Variants in BNC2 observed in about 807,000 individuals in gnomAD.
BNC2 encodes the protein basonuclin zinc finger protein 2.
Under a neutral mutation model 76.3 loss-of-function variants are expected in BNC2, and 20 were observed. The observed-to-expected ratio is 0.26, with a 90% CI of 0.18 to 0.38. The LOEUF (loss-of-function observed/expected upper bound fraction) is 0.38, where lower values mean the gene tolerates loss of function less well. Among genes scored for constraint, BNC2 ranks in the 10% least tolerant of loss-of-function variants. The pLI is 1.00. For synonymous variants in BNC2, 582 were observed against 514.8 expected, an observed-to-expected ratio of 1.13 and a Z score of -1.77; for missense variants, 1,382 against 1,399.8, an observed-to-expected ratio of 0.99 and a Z score of 0.20.
chr9:16,468,299 G>A (rs1019862994), intron 5 of BNC2, among the ~76,000 whole-genome samples: 1 of 151,906 alleles, frequency 6.6e-6, no homozygotes, highest in Non-Finnish European at 1.5e-5. Context: ...GACTCCTTTC[G>A]CTACTAGAGT....
chr9:16,796,823 G>T (rs1041880733), intron 1 of BNC2, among the ~76,000 whole-genome samples: 4 of 152,110 alleles, frequency 2.6e-5, no homozygotes, highest in African/African-American at 9.7e-5. Flanking sequence ...TTCAAATTAG[G>T]ATTGCTAACT....
intron 3 of BNC2, chr9:16,626,263 G>A (rs1820990235): frequency 6.6e-6 from 1 of 152,184 alleles, no homozygotes. Context: ...TCCTGAAGCT[G>A]AAGGGAAAAC....
chr9:16,854,179 G>A (rs1819197932), intron 1 of BNC2, among the ~76,000 whole-genome samples: 1 of 152,062 alleles, frequency 6.6e-6, no homozygotes, highest in African/African-American at 2.4e-5. Flanking sequence ...TGTTTTAAAA[G>A]GAAGGAAAGA....
intron 1 of BNC2, among the ~76,000 whole-genome samples, chr9:16,866,780 T>G (rs1021182636): frequency 6.6e-6 from 1 of 152,004 alleles, no homozygotes; most frequent in African/African-American, 2.4e-5. Flanking sequence ...TTTTAAACCT[T>G]AAGTATATCT....
rs373493671 is a variant in BNC2, at chr9:16,791,063, A to AT, written c.4-52579dup. Among the ~76,000 whole-genome samples the AT allele has an allele frequency of 1.8e-3, 265 of 147,382 alleles. 4 individuals carry two copies. The South Asian group carries it at 0.02, about 11-fold the overall frequency. ...TGTATGGGATTTTATACAATTATAG[A>AT]TTTTTTTTTTTCTTTTGAGATGGAG... On this transcript the variant is annotated intron_variant, in intron 1 of 6. Coordinates refer to ENST00000380672, the MANE Select transcript of BNC2 (RefSeq NM_017637.6).
intron 1 of BNC2, among the ~76,000 whole-genome samples, chr9:16,787,245 C>T (rs898158303): frequency 2.0e-5 from 3 of 152,198 alleles, no homozygotes; most frequent in African/African-American, 7.2e-5. Context: ...CTCCCTCCAT[C>T]CACCATCACC....
chr9:16,761,102 G>T (rs895917339), intron 1 of BNC2, among the ~76,000 whole-genome samples: 7 of 151,838 alleles, frequency 4.6e-5, no homozygotes, highest in African/African-American at 1.7e-4. Context: ...ACAAAAATTA[G>T]CTGGGAGTGG....
rs1449542264 is a variant in BNC2, at chr9:16,800,018, A to G, written c.4-61533T>C. Among the ~76,000 whole-genome samples the G allele has an allele frequency of 2.0e-5, 3 of 152,116 alleles. No homozygotes were observed. The East Asian group carries it at 5.8e-4, about 29-fold the overall frequency. The stretch of plus-strand genomic sequence containing the variant: ...GGTGGGCAGATCACCTGAGATCAGG[A>G]GTTCGAGACCAGCCTGGACAACATG... On this transcript the variant is annotated intron_variant, in intron 1 of 6. Transcript: ENST00000380672.
chr9:16,659,153 G>A (rs565554157), intron 3 of BNC2, among the ~76,000 whole-genome samples: 7 of 152,106 alleles, frequency 4.6e-5, no homozygotes, highest in Non-Finnish European at 5.9e-5. Flanking sequence ...ATGGCGGGGG[G>A]GGGCATGTGA....
At chr9:16,742,746 G>A (rs559424357) in intron 1 of BNC2, among the ~76,000 whole-genome samples, 1 of 152,274 alleles carries the variant, frequency 6.6e-6, no homozygotes, top group East Asian at 1.9e-4. Context: ...TCTCCCTACA[G>A]TATATTAGAA....
intron 1 of BNC2, among the ~76,000 whole-genome samples, chr9:16,841,009 G>A (rs1029245498): frequency 2.6e-5 from 4 of 152,050 alleles, no homozygotes; most frequent in East Asian, 1.9e-4. Flanking sequence ...TAGTATTTTC[G>A]TTGTTCTTCC....
chr9:16,489,517 G>A (rs192967791), intron 5 of BNC2, among the ~76,000 whole-genome samples: 2 of 152,280 alleles, frequency 1.3e-5, no homozygotes, highest in African/African-American at 4.8e-5. Context: ...AGGCTGAGTT[G>A]AAATGTATAT....
chr9:16,547,323 TAGC>T (rs1818516561), intron 5 of BNC2, among the ~76,000 whole-genome samples: 1 of 152,242 alleles, frequency 6.6e-6, no homozygotes, highest in African/African-American at 2.4e-5. Context: ...GCTGCTGCTA[TAGC>T]AGTCAGTCCT....
At chr9:16,730,544 A>T (rs1824475453) in intron 2 of BNC2, among the ~76,000 whole-genome samples, 2 of 151,718 alleles carry the variant, frequency 1.3e-5, no homozygotes. Context: ...TAGTTCATAA[A>T]CTCTCTCCTA....
At chr9:16,679,955 T>A (rs1822773194) in intron 3 of BNC2, among the ~76,000 whole-genome samples, 1 of 152,214 alleles carries the variant, frequency 6.6e-6, no homozygotes, top group Admixed American at 6.5e-5. Flanking sequence ...TACAAACTTT[T>A]CCACAGGGAT....
At position 16,418,830 on chromosome 9, in the gene BNC2, G is replaced by T; in HGVS notation, c.*159C>A. On this transcript the variant is annotated 3_prime_UTR_variant, in exon 7 of 7. Transcript: ENST00000380672. ...CTAGTGTTTATCTTGTTTATCTCAAGGAAATACGTGTGTGTATATGTAGCC... is the reference window on the plus strand; with the variant it reads ...CTAGTGTTTATCTTGTTTATCTCAATGAAATACGTGTGTGTATATGTAGCC... The T allele has an allele frequency of 1.3e-6, 1 of 797,750 alleles. No homozygotes were observed. 49.4% of individuals were successfully genotyped at this position (797,750 alleles called of 1,614,324 possible). A position where few individuals can be genotyped will look rare whatever the true frequency, so the allele number is the denominator to read the frequency against.
chr9:16,462,108 T>C (rs1821595907), intron 5 of BNC2, among the ~76,000 whole-genome samples: 1 of 152,180 alleles, frequency 6.6e-6, no homozygotes, highest in Admixed American at 6.5e-5. Flanking sequence ...GTCTATGGAT[T>C]GCTTTTTCCT....
At chr9:16,582,268 C>T (rs1489987547) in intron 4 of BNC2, among the ~76,000 whole-genome samples, 1 of 151,984 alleles carries the variant, frequency 6.6e-6, no homozygotes, top group East Asian at 1.9e-4. Context: ...ACAGAATAAA[C>T]ATAAACCATA....
chr9:16,794,377 T>G (rs1003787302), intron 1 of BNC2, among the ~76,000 whole-genome samples: 4 of 152,182 alleles, frequency 2.6e-5, no homozygotes, highest in South Asian at 2.1e-4. Context: ...TCTTGAGATA[T>G]CTCCTGTCTG....
Sources: allele counts gnomAD v4.1 joint callset (sites outside exome capture counted in the v4.1 genomes callset), GRCh38; gene constraint gnomAD v4.1.1; transcripts MANE v1.5; gene names NCBI Gene and HGNC (gene_info 2026-07-23, HGNC 2026-07-21).